Variants in RYR2 observed in about 807,000 individuals in gnomAD.
The protein encoded by RYR2 is cardiac muscle ryanodine receptor-calcium release channel.
A neutral mutation model predicts 601.1 loss-of-function variants in RYR2; 227 were observed. The ratio of observed to expected loss-of-function variants is 0.38; its 90% CI spans 0.34 to 0.42. RYR2 has a LOEUF of 0.42. RYR2 is among the 10% of genes least tolerant of loss of function. The pLI is 1.00. For missense variants in RYR2, 4,646 were observed against 6,156.5 expected (o/e 0.75, Z 8.21); for synonymous variants, 2,223 against 2,175.1 (o/e 1.02, Z -0.61).
rs1261822113 is a variant in RYR2, at chr1:237,650,073, A to G, written c.7709A>G (p.Glu2570Gly). The change falls in exon 50 of 105, where the codon GAA becomes GGA. Residue 2570 changes from glutamate to glycine, a missense_variant. By Grantham distance (98) the Glu-to-Gly change is moderately conservative. Transcript: ENST00000366574. The part of the protein sequence containing the change: ...SLTKAQRDSI[E>G]VCLLSICGQL... ...ACCAAAGCTCAGCGGGATTCCATAG[A>G]AGTTTGTTTACTCTCTATTTGTGGG... 1.2e-6 allele frequency: 2 copies of G among 1,613,930 alleles called. No homozygotes were observed. Among genetic ancestry groups the G allele is most frequent in the Non-Finnish European group, 1.7e-6 (2 of 1,179,852 alleles).
At chr1:237,791,887 G>C (rs568237968) in intron 93 of RYR2, 1 of 588,528 alleles carries the variant, frequency 1.7e-6, no homozygotes, top group South Asian at 2.2e-5. Context: ...GGAATCCTCA[G>C]AATTTTTGGT....
intron 2 of RYR2, among the ~76,000 whole-genome samples, chr1:237,300,551 C>G (rs1431482999): frequency 6.6e-6 from 1 of 152,178 alleles, no homozygotes; most frequent in Non-Finnish European, 1.5e-5. Context: ...TAAAGCTCTG[C>G]TCCAGTGATA....
chr1:237,706,011 G>A (rs1201979512), intron 67 of RYR2, among the ~76,000 whole-genome samples: 4 of 152,148 alleles, frequency 2.6e-5, no homozygotes, highest in Non-Finnish European at 5.9e-5. Flanking sequence ...AGCACTTTGG[G>A]AGGCCGAAGT....
chr1:237,622,528 T>G (rs1020981785), intron 38 of RYR2, among the ~76,000 whole-genome samples: 2 of 152,230 alleles, frequency 1.3e-5, no homozygotes, highest in African/African-American at 4.8e-5. Flanking sequence ...ACTTGGGTTC[T>G]ATTCTCAAAA....
chr1:237,647,079 A>G (rs1682242911), intron 48 of RYR2, among the ~76,000 whole-genome samples: 1 of 152,214 alleles, frequency 6.6e-6, no homozygotes, highest in African/African-American at 2.4e-5. Flanking sequence ...CTGTACATTT[A>G]AATTCCTTTT....
intron 15 of RYR2, among the ~76,000 whole-genome samples, chr1:237,456,222 T>C (rs1221109813): frequency 6.6e-6 from 1 of 152,190 alleles, no homozygotes; most frequent in Non-Finnish European, 1.5e-5. Flanking sequence ...TTTAAAAATA[T>C]CTTTTCATGA....
At chr1:237,405,553 A>G (rs567079325) in intron 10 of RYR2, among the ~76,000 whole-genome samples, 52 of 152,326 alleles carry the variant, frequency 3.4e-4, no homozygotes, top group African/African-American at 1.2e-3. Flanking sequence ...CAATTCAAAT[A>G]TATCAACCTT....
At chr1:237,631,870 C>T (rs953315371) in intron 42 of RYR2, among the ~76,000 whole-genome samples, 25 of 52,896 alleles carry the variant, frequency 4.7e-4, no homozygotes, top group African/African-American at 1.9e-3. Flanking sequence ...CCTCGTGATC[C>T]GCCCGCCTTG....
At chr1:237,724,305 A>G (rs1690022709) in intron 74 of RYR2, among the ~76,000 whole-genome samples, 1 of 150,666 alleles carries the variant, frequency 6.6e-6, no homozygotes. Context: ...ACATATTATC[A>G]TAGCAATAAT....
intron 29 of RYR2, among the ~76,000 whole-genome samples, chr1:237,577,500 C>CTGTGTGTGTGTG (rs763937941): frequency 4.4e-5 from 5 of 113,778 alleles, no homozygotes; most frequent in Non-Finnish European, 5.7e-5. Flanking sequence ...GTGTGTGTTT[C>CTGTGTGTGTGTG]TGTGTGTGTG....
intron 12 of RYR2, among the ~76,000 whole-genome samples, chr1:237,431,216 A>G (rs1048589498): frequency 1.7e-4 from 26 of 152,232 alleles, no homozygotes; most frequent in Non-Finnish European, 3.2e-4. Context: ...TAATTTTAGT[A>G]TCACTGGAAG....
chr1:237,623,734 T>A (rs778035305), intron 38 of RYR2, 31 bp from the exon 39 acceptor site: 1 of 1,413,730 alleles, frequency 7.1e-7, no homozygotes, highest in South Asian at 1.2e-5. Context: ...TCTTCCTCCT[T>A]CTTCCTCTTT....
At chr1:237,455,210 T>C (rs757628018) in intron 15 of RYR2, among the ~76,000 whole-genome samples, 1 of 152,142 alleles carries the variant, frequency 6.6e-6, no homozygotes. Context: ...TGTTCTAATA[T>C]AGTCAGGAGC....
chr1:237,820,917 C>T (rs192848512), intron 101 of RYR2, among the ~76,000 whole-genome samples: 1 of 152,344 alleles, frequency 6.6e-6, no homozygotes, highest in Non-Finnish European at 1.5e-5. Flanking sequence ...GAAGTTCGAA[C>T]TGGGTGGAGC....
chr1:237,602,757 T>C (rs1289876668), intron 35 of RYR2, among the ~76,000 whole-genome samples: 2 of 152,192 alleles, frequency 1.3e-5, no homozygotes, highest in African/African-American at 4.8e-5. Flanking sequence ...TTGTGTGCCA[T>C]GTGAAAAGGT....
chr1:237,776,628 C>A (rs554098168), intron 87 of RYR2, among the ~76,000 whole-genome samples: 41 of 150,854 alleles, frequency 2.7e-4, no homozygotes, highest in African/African-American at 5.4e-4. Flanking sequence ...TACTCTCCCC[C>A]CTGAAGGTTC....
chr1:237,154,638 C>T (rs1233710647), intron 1 of RYR2, among the ~76,000 whole-genome samples: 1 of 151,968 alleles, frequency 6.6e-6, no homozygotes, highest in Non-Finnish European at 1.5e-5. Context: ...CATAGCAAGA[C>T]CCTATCTCAA....
chr1:237,646,312 G>A (rs1241677346), intron 48 of RYR2, among the ~76,000 whole-genome samples: 1 of 151,916 alleles, frequency 6.6e-6, no homozygotes, highest in East Asian at 2.0e-4. Flanking sequence ...CTGCACTCCA[G>A]CTTGGGCAGC....
intron 102 of RYR2, among the ~76,000 whole-genome samples, chr1:237,829,636 G>A (rs1341595887): frequency 6.6e-6 from 1 of 152,182 alleles, no homozygotes; most frequent in Non-Finnish European, 1.5e-5. Context: ...GTTGCTCAAT[G>A]TGACCTATCA....
Sources: gnomAD v4.1 joint callset for allele counts (sites outside exome capture counted in the v4.1 genomes callset) on GRCh38, gnomAD v4.1.1 for gene constraint, MANE v1.5 for transcripts, NCBI Gene and HGNC (gene_info 2026-07-23, HGNC 2026-07-21) for gene names.